The following ALDH1A2 variants were observed in gnomAD, a reference collection of about 807,000 sequenced individuals.
ALDH1A2 encodes the protein aldehyde dehydrogenase 1 family member A2.
Under a neutral mutation model 60.3 loss-of-function variants are expected in ALDH1A2, and 27 were observed. That is an observed-to-expected ratio of 0.45 (90% CI 0.33 to 0.62). ALDH1A2 has a LOEUF of 0.62. ALDH1A2 is among the 20% of genes least tolerant of loss of function. The probability of loss-of-function intolerance (pLI) is 0.02; values close to 1 mark genes in which losing one functional copy is unlikely to be tolerated. For synonymous variants in ALDH1A2, 289 were observed against 232.4 expected (o/e 1.24, Z -2.21); for missense variants, 581 against 643.8 (o/e 0.90, Z 1.06).
intron 7 of ALDH1A2, among the ~76,000 whole-genome samples, chr15:57,975,536 T>G (rs1894219363): frequency 6.6e-6 from 1 of 152,234 alleles, no homozygotes; most frequent in Non-Finnish European, 1.5e-5. Context: ...AATGAGCCTT[T>G]CCTTTGAGCA....
Position 58,027,986 on chromosome 15 carries a change from T to C in ALDH1A2, c.118-13705A>G, listed in dbSNP as rs554897625. Among the ~76,000 whole-genome samples, 20 of 152,218 alleles carry C rather than the reference T, an allele frequency of 1.3e-4. 2 individuals are homozygous for C. The South Asian group carries it at 3.9e-3, about 30-fold the overall frequency. On this transcript the variant is annotated intron_variant, in intron 1 of 12. Transcript: ENST00000249750. ...TTAGAAAACACTCTTCAGGACATTA[T>C]CCAGGAGAACTTCCCCAACCTAGCA...
At chr15:58,051,276 T>TG (rs1331420842) in intron 1 of ALDH1A2, among the ~76,000 whole-genome samples, 3 of 152,158 alleles carry the variant, frequency 2.0e-5, no homozygotes, top group Non-Finnish European at 2.9e-5. Context: ...ATAAGCCTAA[T>TG]TGTGCATAAT....
chr15:57,972,545 T>G (rs1394889976), intron 7 of ALDH1A2, among the ~76,000 whole-genome samples: 2 of 152,186 alleles, frequency 1.3e-5, no homozygotes, highest in Non-Finnish European at 2.9e-5. Flanking sequence ...CTGCTCAAAC[T>G]CAGCCTGAGT....
At chr15:57,995,248 A>G (rs1193362326) in intron 4 of ALDH1A2, 109 bp from the exon 5 acceptor site, 4 of 786,032 alleles carry the variant, frequency 5.1e-6, no homozygotes, top group Non-Finnish European at 8.5e-6. Flanking sequence ...AAACAGAAAT[A>G]AACTTGAAAA....
At chr15:58,040,265 G>A (rs1318111343) in intron 1 of ALDH1A2, among the ~76,000 whole-genome samples, 4 of 151,844 alleles carry the variant, frequency 2.6e-5, no homozygotes, top group Non-Finnish European at 5.9e-5. Context: ...CACAGCTGAA[G>A]AGGCAGAATT....
At chr15:57,961,319 C>G (rs776558572) in intron 10 of ALDH1A2, 25 bp from the exon 11 acceptor site, 4 of 1,611,734 alleles carry the variant, frequency 2.5e-6, no homozygotes, top group Admixed American at 1.7e-5. Flanking sequence ...TATGACTCAA[C>G]ATGGTTGCTC....
At chr15:58,030,450 AC>A (rs1478721025) in intron 1 of ALDH1A2, among the ~76,000 whole-genome samples, 1 of 152,166 alleles carries the variant, frequency 6.6e-6, no homozygotes, top group Non-Finnish European at 1.5e-5. Flanking sequence ...ATGGGCAAAA[AC>A]TAGAAGCATT....
chr15:58,057,119 G>C (rs1044007691), intron 1 of ALDH1A2, among the ~76,000 whole-genome samples: 22 of 152,016 alleles, frequency 1.4e-4, no homozygotes, highest in Admixed American at 1.3e-3. Flanking sequence ...ACATGATCAG[G>C]AATGTCCAAT....
chr15:58,017,029 G>A (rs1294737118), intron 1 of ALDH1A2, among the ~76,000 whole-genome samples: 1 of 152,140 alleles, frequency 6.6e-6, no homozygotes, highest in Non-Finnish European at 1.5e-5. Flanking sequence ...CAGAGACAGA[G>A]CACTTGAGAT....
chr15:58,036,313 C>T (rs899424154), intron 1 of ALDH1A2, among the ~76,000 whole-genome samples: 1 of 151,634 alleles, frequency 6.6e-6, no homozygotes, highest in African/African-American at 2.4e-5. Flanking sequence ...CACACAAACA[C>T]ATATTCATGT....
intron 1 of ALDH1A2, among the ~76,000 whole-genome samples, chr15:58,061,196 C>T (rs968573420): frequency 6.6e-6 from 1 of 152,006 alleles, no homozygotes; most frequent in Non-Finnish European, 1.5e-5. Context: ...TAATTCAAGT[C>T]CTGTGATGAA....
At chr15:58,054,729 C>T (rs964765200) in intron 1 of ALDH1A2, among the ~76,000 whole-genome samples, 3 of 151,978 alleles carry the variant, frequency 2.0e-5, no homozygotes, top group Non-Finnish European at 1.5e-5. Context: ...ATCTTAACAG[C>T]CATAAAAAAA....
intron 7 of ALDH1A2, among the ~76,000 whole-genome samples, chr15:57,986,280 A>C (rs558078833): frequency 6.6e-6 from 1 of 152,272 alleles, no homozygotes; most frequent in Admixed American, 6.5e-5. Context: ...GAGGAGACCA[A>C]AGCAGAATAT....
chr15:58,027,634 G>A (rs1595676032), intron 1 of ALDH1A2, among the ~76,000 whole-genome samples: 2 of 152,196 alleles, frequency 1.3e-5, no homozygotes, highest in African/African-American at 4.8e-5. Flanking sequence ...CCCATCACAA[G>A]AAATCTAAAA....
chr15:57,964,875 C>T (rs1395626926), intron 8 of ALDH1A2: 3 of 152,234 alleles, frequency 2.0e-5, no homozygotes, highest in African/African-American at 7.2e-5. Context: ...TTCTGATTTT[C>T]TTGACAACTA....
chr15:58,015,611 G>C (rs147554704), intron 1 of ALDH1A2, among the ~76,000 whole-genome samples: 1 of 152,172 alleles, frequency 6.6e-6, no homozygotes. Context: ...AGATGGTTAA[G>C]AGAGTTCCAG....
At chr15:57,986,450 ACTTAACTAC>A (rs2140482127) in intron 7 of ALDH1A2, among the ~76,000 whole-genome samples, 1 of 152,164 alleles carries the variant, frequency 6.6e-6, no homozygotes, top group Admixed American at 6.5e-5. Context: ...ACCTCAAGTA[ACTTAACTAC>A]CTTTTAGGAA....
At chr15:57,972,686 AAG>A (rs1186896544) in intron 7 of ALDH1A2, among the ~76,000 whole-genome samples, 4 of 152,226 alleles carry the variant, frequency 2.6e-5, no homozygotes, top group African/African-American at 9.6e-5. Flanking sequence ...ATTTTTTAAA[AAG>A]AGAAGTTTTA....
chr15:58,027,251 G>A (rs1327946327), intron 1 of ALDH1A2, among the ~76,000 whole-genome samples: 1 of 152,174 alleles, frequency 6.6e-6, no homozygotes, highest in East Asian at 1.9e-4. Flanking sequence ...GTGATACCCA[G>A]GCAAACAGTG....
Sources: allele counts gnomAD v4.1 joint callset (sites outside exome capture counted in the v4.1 genomes callset), GRCh38; gene constraint gnomAD v4.1.1; transcripts MANE v1.5; gene names NCBI Gene and HGNC (gene_info 2026-07-23, HGNC 2026-07-21).